Variants in GRAMD4 observed in about 807,000 individuals in gnomAD.
The protein encoded by GRAMD4 is GRAM domain containing 4.
GRAMD4 carries 25 observed loss-of-function variants against 83.9 expected under a neutral mutation model. That is an observed-to-expected ratio of 0.30 (90% confidence interval 0.22 to 0.42). The LOEUF (loss-of-function observed/expected upper bound fraction) is 0.42. GRAMD4 is among the 10% of genes least tolerant of loss of function. The pLI, the probability that GRAMD4 is intolerant of heterozygous loss-of-function variation, is 1.00. For synonymous variants in GRAMD4, 336 were observed against 320.9 expected, an observed-to-expected ratio of 1.05 and a Z score of -0.50; for missense variants, 593 against 788.7, an observed-to-expected ratio of 0.75 and a Z score of 2.97.
chr22:46,603,736 T>C (rs1032940223), intron 1 of GRAMD4, among the ~76,000 whole-genome samples: 5 of 151,418 alleles, frequency 3.3e-5, no homozygotes. Flanking sequence ...CAGGATGGTC[T>C]CGATCTCCTG....
intron 13 of GRAMD4, among the ~76,000 whole-genome samples, chr22:46,671,465 C>T (rs571042864): frequency 1.3e-5 from 2 of 151,434 alleles, no homozygotes; most frequent in East Asian, 1.9e-4. Flanking sequence ...CAGAGCAAGA[C>T]TCTGTCTCAA....
At chr22:46,653,645 CG>C (rs2082199351) in intron 3 of GRAMD4, among the ~76,000 whole-genome samples, 1 of 152,148 alleles carries the variant, frequency 6.6e-6, no homozygotes, top group Non-Finnish European at 1.5e-5. Context: ...CAGGAAGGGG[CG>C]TAGGGGGCAG....
intron 3 of GRAMD4, among the ~76,000 whole-genome samples, chr22:46,654,106 T>C (rs970041585): frequency 2.1e-5 from 3 of 144,408 alleles, no homozygotes; most frequent in Non-Finnish European, 3.0e-5. Flanking sequence ...CCCTTCTGTA[T>C]GCCAGCCACA....
At chr22:46,663,245 G>T (rs895815326) in intron 6 of GRAMD4, 73 bp downstream of exon 6, 3 of 1,440,142 alleles carry the variant, frequency 2.1e-6, no homozygotes. Context: ...GCAGCGGGTG[G>T]GCCATCCTTT....
intron 1 of GRAMD4, among the ~76,000 whole-genome samples, chr22:46,609,925 G>T (rs757001064): frequency 6.6e-6 from 1 of 152,224 alleles, no homozygotes; most frequent in African/African-American, 2.4e-5. Flanking sequence ...TACACTGGTG[G>T]CTGTTCTGAG....
At position 46,678,878 on chromosome 22, in the gene GRAMD4, A is replaced by AG; in HGVS notation, c.*1629dup. 1.0e-6 allele frequency: 1 copy of AG among 985,906 alleles called. No individual in the cohort carries two copies. 61.1% of individuals were successfully genotyped at this position (985,906 alleles called of 1,614,324 possible). A position where few individuals can be genotyped will look rare whatever the true frequency, so the allele number is the denominator to read the frequency against. On this transcript the variant is annotated 3_prime_UTR_variant, in exon 19 of 19. Coordinates refer to ENST00000406902, the MANE Select transcript of GRAMD4 (RefSeq NM_015124.5). ...CCAGATTAAGCACATGTCCTATCCC[A>AG]GGCGGTGGAGCGGAGCCCCCGTGGC...
intron 10 of GRAMD4, among the ~76,000 whole-genome samples, chr22:46,667,139 T>C (rs1047506648): frequency 4.6e-5 from 7 of 152,168 alleles, no homozygotes; most frequent in Non-Finnish European, 7.4e-5. Flanking sequence ...GCTTCCCAGC[T>C]AGGATGTGGT....
chr22:46,653,441 A>AC (rs1192159606), intron 3 of GRAMD4, among the ~76,000 whole-genome samples: 1 of 152,110 alleles, frequency 6.6e-6, no homozygotes, highest in Non-Finnish European at 1.5e-5. Context: ...TGACCTCTGA[A>AC]CCCAGGCTTG....
intron 5 of GRAMD4, among the ~76,000 whole-genome samples, chr22:46,662,064 CATAA>C (rs1408923014): frequency 1.3e-5 from 2 of 152,190 alleles, no homozygotes; most frequent in Non-Finnish European, 2.9e-5. Context: ...AATTTCAGTC[CATAA>C]ATAAAGTCCA....
chr22:46,595,135 G>A (rs1297372868), intron 1 of GRAMD4, among the ~76,000 whole-genome samples: 6 of 152,094 alleles, frequency 3.9e-5, no homozygotes, highest in Non-Finnish European at 8.8e-5. Flanking sequence ...CTTTCCCCTG[G>A]AGACACACAG....
chr22:46,610,850 A>G (rs947623584), intron 1 of GRAMD4, among the ~76,000 whole-genome samples: 2 of 152,162 alleles, frequency 1.3e-5, no homozygotes, highest in Non-Finnish European at 2.9e-5. Context: ...TGCTTCTACA[A>G]CACAGTAGTT....
At chr22:46,605,648 G>A (rs1269715958) in intron 1 of GRAMD4, among the ~76,000 whole-genome samples, 1 of 152,266 alleles carries the variant, frequency 6.6e-6, no homozygotes, top group Non-Finnish European at 1.5e-5. Context: ...CCGTCCTAAT[G>A]GGTGTGAAAG....
intron 10 of GRAMD4, among the ~76,000 whole-genome samples, chr22:46,667,675 C>T (rs1263511270): frequency 6.6e-6 from 1 of 152,222 alleles, no homozygotes; most frequent in Non-Finnish European, 1.5e-5. Flanking sequence ...GGGCAAGTAC[C>T]TGGAGGAGGC....
chr22:46,607,503 G>A (rs2081377245), intron 1 of GRAMD4, among the ~76,000 whole-genome samples: 1 of 152,164 alleles, frequency 6.6e-6, no homozygotes, highest in African/African-American at 2.4e-5. Flanking sequence ...GCAGGTTACT[G>A]TCCCTTACGA....
At position 46,641,392 on chromosome 22, in the gene GRAMD4, TAAGGAAGG is replaced by T. The variant is rs61099873; in HGVS notation, c.283+3455_283+3462del. Among the ~76,000 whole-genome samples the T allele has an allele frequency of 2.2e-3, 326 of 150,292 alleles. 1 individual carries two copies. The highest frequency in any genetic ancestry group is 6.1e-3 in the African/African-American group (249 of 40,834). ...GCGGCCCCATCTCTAAATAAATAAA[TAAGGAAGG>T]AAGGAAGGAAGGAAGGAAGGAAACA... is the stretch of plus-strand genomic sequence containing the variant. On this transcript the variant is annotated intron_variant, in intron 3 of 18. Transcript: ENST00000406902.
chr22:46,659,982 C>T lies in GRAMD4; in HGVS notation c.405-1399C>T, dbSNP rs552026542. On this transcript the variant is annotated intron_variant, in intron 4 of 18. Coordinates refer to ENST00000406902, the MANE Select transcript of GRAMD4 (RefSeq NM_015124.5). This position sits in a 1 kb window ranked among gnomAD's most constrained non-coding sequence, Gnocchi z 4.1. ...GGTCCCCAGGCATTTGGCCACAGTG[C>T]CATCCCCGCCACGGGACGCTGCTTC... Among the ~76,000 whole-genome samples, 4 of 152,334 alleles carry T rather than the reference C, an allele frequency of 2.6e-5. No homozygotes were observed. The highest frequency in any genetic ancestry group is 9.6e-5 in the African/African-American group (4 of 41,582).
At chr22:46,657,008 C>G (rs750248005) in intron 3 of GRAMD4, among the ~76,000 whole-genome samples, 10 of 152,216 alleles carry the variant, frequency 6.6e-5, no homozygotes, top group Non-Finnish European at 1.3e-4. Flanking sequence ...ACTTAGGTGA[C>G]CCTCAGCTGG....
chr22:46,584,370 G>A (rs1443886893), intron 1 of GRAMD4, among the ~76,000 whole-genome samples: 3 of 152,136 alleles, frequency 2.0e-5, no homozygotes, highest in South Asian at 2.1e-4. Context: ...ACATATGTAC[G>A]TGTCTCTGCC....
rs1383264644 is a variant in GRAMD4, at chr22:46,622,302, T to C, written c.-50+1737T>C. Among the ~76,000 whole-genome samples, 1 of 152,136 alleles carries C rather than the reference T, an allele frequency of 6.6e-6. No homozygotes were observed. Among genetic ancestry groups the C allele is most frequent in the African/African-American group, 2.4e-5 (1 of 41,428 alleles). ...CTGCTTTCCTTGGGTGGAGGCCAGC[T>C]CGGTGCCCTACACAGGGCCTGCAGG... On this transcript the variant is annotated intron_variant, in intron 1 of 18. Transcript: ENST00000406902. The surrounding 1 kb of genome is among the most constrained non-coding windows in gnomAD (Gnocchi z 4.0).
Sources: allele counts gnomAD v4.1 joint callset (sites outside exome capture counted in the v4.1 genomes callset), GRCh38; gene constraint gnomAD v4.1.1; non-coding constraint Gnocchi (gnomAD v3.1); transcripts MANE v1.5; gene names NCBI Gene and HGNC (gene_info 2026-07-23, HGNC 2026-07-21).